Variants in CD58 observed in about 807,000 individuals in gnomAD.
CD58 encodes the protein CD58 molecule, also known as lymphocyte function-associated antigen 3.
In CD58, 14 loss-of-function variants were observed where a neutral mutation model predicts 27.6. That is an observed-to-expected ratio of 0.51 (90% CI 0.34 to 0.79). The LOEUF is 0.79. Among genes scored for constraint, CD58 ranks in the 30% least tolerant of loss-of-function variants. The pLI is 0.02. For synonymous variants in CD58, 117 were observed against 103.8 expected (o/e 1.13, Z -0.77); for missense variants, 268 against 301.7 (o/e 0.89, Z 0.83).
intron 3 of CD58, chr1:116,533,471 T>C (rs771316763): frequency 4.0e-6 from 3 of 743,934 alleles, no homozygotes; most frequent in Non-Finnish European, 7.6e-6. Flanking sequence ...AGTGGAACTC[T>C]TAATATGAAA....
At chr1:116,530,695 G>A (rs1457122774) in intron 3 of CD58, among the ~76,000 whole-genome samples, 1 of 152,088 alleles carries the variant, frequency 6.6e-6, no homozygotes, top group Admixed American at 6.5e-5. Flanking sequence ...GAAAAAGTAA[G>A]ATCTAGTATT....
chr1:116,536,121 A>C lies in CD58; in HGVS notation c.472T>G (p.Ser158Ala). 1.2e-6 allele frequency: 2 copies of C among 1,613,904 alleles called. No individual in the cohort carries two copies. Among genetic ancestry groups the C allele is most frequent in the Non-Finnish European group, 1.7e-6 (2 of 1,179,832 alleles). ...CATTGCTCCATAGGACAATCCCATG[A>C]GTACATTATAAGTCCTCGATGGCTG... ...YNSHRGLIMY[S>A]WDCPMEQCKR... The change falls in exon 3 of 6, where the codon TCA becomes GCA. Residue 158 changes from serine (S) to alanine (A), a missense_variant. By Grantham distance (99) the Ser-to-Ala change is moderately conservative. Transcript: ENST00000369489. This position sits in a 1 kb window ranked among gnomAD's most constrained non-coding sequence, Gnocchi z 5.4.
At chr1:116,556,180 G>A (rs1041284325) in intron 1 of CD58, among the ~76,000 whole-genome samples, 2 of 150,810 alleles carry the variant, frequency 1.3e-5, no homozygotes, top group African/African-American at 2.4e-5. Context: ...GCTTGAACCC[G>A]GGAGGTGGAG....
rs1441109783 is a variant in CD58 at position 116,527,642 on chromosome 1, C to A, written c.629-5659G>T. ...GAAATATTTGTCTTAATTTTCTTTTCTTGTATTGTTCTTTGGTTTTAGCAC... is the reference window on the plus strand; with the variant it reads ...GAAATATTTGTCTTAATTTTCTTTTATTGTATTGTTCTTTGGTTTTAGCAC... On this transcript the variant is annotated intron_variant, in intron 3 of 5. Coordinates refer to ENST00000369489, the MANE Select transcript of CD58 (RefSeq NM_001779.3). The surrounding 1 kb of genome is among the most constrained non-coding windows in gnomAD (Gnocchi z 4.4). Among the ~76,000 whole-genome samples, 1 of 152,046 alleles carries A rather than the reference C, an allele frequency of 6.6e-6. No individual in the cohort carries two copies. The highest frequency in any genetic ancestry group is 2.4e-5 in the African/African-American group (1 of 41,404).
At chr1:116,564,210 T>C (rs1487780215) in intron 1 of CD58, among the ~76,000 whole-genome samples, 1 of 152,192 alleles carries the variant, frequency 6.6e-6, no homozygotes, top group Non-Finnish European at 1.5e-5. Flanking sequence ...CTAAAACATA[T>C]TAAGAGTCAC....
Position 116,534,712 on chromosome 1 carries a change from A to AGAC in CD58, c.628+1252_628+1253insGTC, listed in dbSNP as rs1299217633. The stretch of plus-strand genomic sequence containing the variant: ...TCTTGAAAAATGTCTTTCCTTTCCC[A>AGAC]AAAGTGACTCTGCTTTGTCTGAAAA... On this transcript the variant is annotated intron_variant, in intron 3 of 5. Transcript: ENST00000369489. The surrounding 1 kb of genome is among the most constrained non-coding windows in gnomAD (Gnocchi z 5.3). 1.3e-5 allele frequency among the ~76,000 whole-genome samples: 2 copies of AGAC among 152,262 alleles called. No homozygotes were observed. The highest frequency in any genetic ancestry group is 4.8e-5 in the African/African-American group (2 of 41,470).
In CD58 at chr1:116,557,601, C is replaced by G. The variant is rs1313847714; in HGVS notation, c.71-12997G>C. ...TTGAGGAGGTTCACTGATGTCATTT[C>G]TTTCTTTTCTTTCTTTTTATTTTTC... is the stretch of plus-strand genomic sequence containing the variant. On this transcript the variant is annotated intron_variant, in intron 1 of 5. Transcript: ENST00000369489. The surrounding 1 kb of genome is among the most constrained non-coding windows in gnomAD (Gnocchi z 5.2). 3.9e-5 allele frequency among the ~76,000 whole-genome samples: 6 copies of G among 152,086 alleles called. No homozygotes were observed. The highest frequency in any genetic ancestry group is 7.4e-5 in the Non-Finnish European group (5 of 68,014).
chr1:116,570,552 C>T lies in CD58; in HGVS notation c.70+351G>A, dbSNP rs1356605920. Reference sequence around the variant, plus strand: ...CGGCTGGGAAAAATTTTGCAGTCCGCTGAAGCGCTCAGCGACGTTACTGGG... The same window carrying T: ...CGGCTGGGAAAAATTTTGCAGTCCGTTGAAGCGCTCAGCGACGTTACTGGG... On this transcript the variant is annotated intron_variant, in intron 1 of 5. Transcript: ENST00000369489. The surrounding 1 kb of genome is among the most constrained non-coding windows in gnomAD (Gnocchi z 6.4). Among the ~76,000 whole-genome samples the T allele has an allele frequency of 6.6e-6, 1 of 151,998 alleles. No individual in the cohort carries two copies. The highest frequency in any genetic ancestry group is 1.5e-5 in the Non-Finnish European group (1 of 67,956).
In CD58 at chr1:116,567,543, T is replaced by G. The variant is rs192769523; in HGVS notation, c.70+3360A>C. Among the ~76,000 whole-genome samples the G allele has an allele frequency of 8.5e-5, 13 of 152,234 alleles. No individual in the cohort carries two copies. In the East Asian group the frequency reaches 2.5e-3, roughly 29 times the overall value. ...GTCCTGGCTACTCAGAAGGCTGAGG[T>G]GGCAGAATTGCTTGAGCCTCAGAGG... On this transcript the variant is annotated intron_variant, in intron 1 of 5. Transcript: ENST00000369489.
intron 1 of CD58, among the ~76,000 whole-genome samples, chr1:116,567,344 A>T (rs1479065978): frequency 6.6e-6 from 1 of 151,464 alleles, no homozygotes; most frequent in East Asian, 2.0e-4. Flanking sequence ...CCATTTGAAA[A>T]TATTTTAGTG....
intron 1 of CD58, among the ~76,000 whole-genome samples, chr1:116,556,709 G>T (rs1003615309): frequency 6.6e-6 from 1 of 152,172 alleles, no homozygotes; most frequent in Admixed American, 6.5e-5. Flanking sequence ...GCAAACAAAG[G>T]AGTCACAAAG....
chr1:116,532,150 C>T lies in CD58; in HGVS notation c.628+3815G>A, dbSNP rs867732395. 2.6e-4 allele frequency among the ~76,000 whole-genome samples: 40 copies of T among 152,246 alleles called. No homozygotes were observed. The highest frequency in any genetic ancestry group is 4.6e-4 in the Non-Finnish European group (31 of 68,038). On this transcript the variant is annotated intron_variant, in intron 3 of 5. Coordinates refer to ENST00000369489, the MANE Select transcript of CD58 (RefSeq NM_001779.3). The surrounding 1 kb of genome is among the most constrained non-coding windows in gnomAD (Gnocchi z 5.1). Reference sequence around the variant, plus strand: ...CGAGGACAGGCTCGCGTCTTCAGCCCTGGTGGCAGGAAGCAGTGTTTCTTC... The same window carrying T: ...CGAGGACAGGCTCGCGTCTTCAGCCTTGGTGGCAGGAAGCAGTGTTTCTTC...
At position 116,557,079 on chromosome 1, in the gene CD58, C is replaced by T. The variant is rs1341009583; in HGVS notation, c.71-12475G>A. ...AGGTGTTCCTGTTTTTGGCTGTATC[C>T]CCATATGTCTGGCATATGGACTTTC... On this transcript the variant is annotated intron_variant, in intron 1 of 5. Coordinates refer to ENST00000369489, the MANE Select transcript of CD58 (RefSeq NM_001779.3). The surrounding 1 kb of genome is among the most constrained non-coding windows in gnomAD (Gnocchi z 5.2). Among the ~76,000 whole-genome samples, 1 of 152,140 alleles carries T rather than the reference C, an allele frequency of 6.6e-6. No homozygotes were observed. Among genetic ancestry groups the T allele is most frequent in the African/African-American group, 2.4e-5 (1 of 41,434 alleles).
At chr1:116,568,410 C>T (rs1659016084) in intron 1 of CD58, among the ~76,000 whole-genome samples, 1 of 152,116 alleles carries the variant, frequency 6.6e-6, no homozygotes, top group Non-Finnish European at 1.5e-5. Context: ...TGCAACTGTC[C>T]TAAAGATTTT....
chr1:116,526,135 A>C (rs1164257668), intron 3 of CD58, among the ~76,000 whole-genome samples: 2 of 152,120 alleles, frequency 1.3e-5, no homozygotes, highest in African/African-American at 4.8e-5. Context: ...ATTTTCTCCC[A>C]GTCTGTGGCT....
Position 116,559,631 on chromosome 1 carries a change from A to G in CD58, c.70+11272T>C, listed in dbSNP as rs1039980579. 6.6e-6 allele frequency among the ~76,000 whole-genome samples: 1 copy of G among 151,992 alleles called. No homozygotes were observed. The highest frequency in any genetic ancestry group is 1.5e-5 in the Non-Finnish European group (1 of 67,994). On this transcript the variant is annotated intron_variant, in intron 1 of 5. Coordinates refer to ENST00000369489, the MANE Select transcript of CD58 (RefSeq NM_001779.3). The surrounding 1 kb of genome is among the most constrained non-coding windows in gnomAD (Gnocchi z 4.4). ...TGAAACTGCAGCCACCTGTCTCCCA[A>G]CGGTTACAAACCCTCGGTCCCCAAG...
At chr1:116,533,417 G>T in intron 3 of CD58, 1 of 801,968 alleles carries the variant, frequency 1.2e-6, no homozygotes, top group Non-Finnish European at 2.2e-6. Context: ...TCATCTTGCA[G>T]GTTTTTGTCA....
rs953937148 is a variant in CD58 at position 116,557,035 on chromosome 1, C to G, written c.71-12431G>C. Among the ~76,000 whole-genome samples, 1 of 152,200 alleles carries G rather than the reference C, an allele frequency of 6.6e-6. No individual in the cohort carries two copies. Among genetic ancestry groups the G allele is most frequent in the Non-Finnish European group, 1.5e-5 (1 of 68,030 alleles). The stretch of plus-strand genomic sequence containing the variant: ...TAGGGGTAACCCCAGCCAGGCTAGC[C>G]CTATCAGGACAAGGACAAAGGTGTT... On this transcript the variant is annotated intron_variant, in intron 1 of 5. Transcript: ENST00000369489. The surrounding 1 kb of genome is among the most constrained non-coding windows in gnomAD (Gnocchi z 5.2).
At position 116,570,879 on chromosome 1, in the gene CD58, G is replaced by A. The variant is rs1557847632; in HGVS notation, c.70+24C>T. 4 of 1,535,704 alleles carry A rather than the reference G, an allele frequency of 2.6e-6. No individual in the cohort carries two copies. In the Admixed American group the frequency reaches 5.9e-5, roughly 23 times the overall value. On this transcript the variant is annotated intron_variant, in intron 1 of 5. Transcript: ENST00000369489. This position sits in a 1 kb window ranked among gnomAD's most constrained non-coding sequence, Gnocchi z 6.4. ...CCCAGTACCCGCCGGCCGGCGCGGG[G>A]CCCCTGGGGCAGGCTTCACTCACCA...
Sources: allele counts gnomAD v4.1 joint callset (sites outside exome capture counted in the v4.1 genomes callset), GRCh38; gene constraint gnomAD v4.1.1; non-coding constraint Gnocchi (gnomAD v3.1); transcripts MANE v1.5; gene names NCBI Gene and HGNC (gene_info 2026-07-23, HGNC 2026-07-21).